SORL1-AS1: variants seen among roughly 807,000 people sequenced by gnomAD.
SORL1-AS1 encodes lncRNA 51 A.
At chr11:121,439,175 T>C in the SORL1-AS1 span, among the ~76,000 whole-genome samples, 2 of 152,220 alleles carry the variant, frequency 1.3e-5, no homozygotes, top group Non-Finnish European at 2.9e-5. Flanking sequence ...GGCTCTACCA[T>C]TTTATACTTT....
chr11:121,447,073 T>C (rs564311125), downstream of SORL1-AS1, among the ~76,000 whole-genome samples: 1 of 152,010 alleles, frequency 6.6e-6, no homozygotes, highest in African/African-American at 2.4e-5. Context: ...GGAGGGGGAG[T>C]CCTACTCCTC....
downstream of SORL1-AS1, among the ~76,000 whole-genome samples, chr11:121,442,685 A>T (rs1478141123): frequency 4.5e-4 from 62 of 138,242 alleles, no homozygotes; most frequent in South Asian, 8.3e-3. Flanking sequence ...TTATTTATTT[A>T]TTTATTTTTT....
chr11:121,440,207 T>C, the SORL1-AS1 span, among the ~76,000 whole-genome samples: 1 of 152,212 alleles, frequency 6.6e-6, no homozygotes, highest in South Asian at 2.1e-4. Flanking sequence ...ACCCTGTCTC[T>C]ACTAAAAGTA....
rs555388628 is a variant in SORL1-AS1 at position 121,450,465 on chromosome 11, G to A, written n.340-566C>T. Among the ~76,000 whole-genome samples the A allele has an allele frequency of 1.9e-4, 29 of 151,710 alleles. No individual in the cohort carries two copies. The South Asian group carries it at 5.4e-3, about 28-fold the overall frequency. ...TATTATTTTTAATTGACATATATAAGTATATAATAAATATATATGTTATAT... is the reference window on the plus strand; with the variant it reads ...TATTATTTTTAATTGACATATATAAATATATAATAAATATATATGTTATAT... On this transcript the variant is annotated intron_variant and non_coding_transcript_variant, in intron 1 of 1. Coordinates refer to ENST00000501964, the Ensembl canonical transcript of SORL1-AS1. This position sits in a 1 kb window ranked among gnomAD's most constrained non-coding sequence, Gnocchi z 5.2.
chr11:121,438,579 T>C, the SORL1-AS1 span, among the ~76,000 whole-genome samples: 1 of 152,042 alleles, frequency 6.6e-6, no homozygotes, highest in African/African-American at 2.4e-5. Context: ...GCTTCTCATT[T>C]AACATAATAT....
chr11:121,451,269 T>C (rs180769206), intron 1 of SORL1-AS1, among the ~76,000 whole-genome samples: 1 of 152,218 alleles, frequency 6.6e-6, no homozygotes, highest in Admixed American at 6.5e-5. Context: ...AATATTTTCC[T>C]TGGGCGTACC....
At chr11:121,440,014 T>C in the SORL1-AS1 span, among the ~76,000 whole-genome samples, 1 of 152,024 alleles carries the variant, frequency 6.6e-6, no homozygotes, top group African/African-American at 2.4e-5. Flanking sequence ...GTGTTCTGGG[T>C]GGGGAGGCAT....
chr11:121,448,625 C>G (rs756680454), exon 2 of SORL1-AS1: 1 of 152,166 alleles, frequency 6.6e-6, no homozygotes, highest in African/African-American at 2.4e-5. Context: ...GCCCCTTAAC[C>G]AACCATTGCC....
chr11:121,438,672 C>T, the SORL1-AS1 span, among the ~76,000 whole-genome samples: 1 of 152,274 alleles, frequency 6.6e-6, no homozygotes, highest in East Asian at 1.9e-4. Context: ...TATGAAAAAT[C>T]TCAATTTATC....
the SORL1-AS1 span, among the ~76,000 whole-genome samples, chr11:121,438,927 G>A: frequency 6.6e-6 from 1 of 152,228 alleles, no homozygotes; most frequent in African/African-American, 2.4e-5. Flanking sequence ...CTGGGAGGCT[G>A]AGGCACAAGA....
At chr11:121,441,689 A>T in the SORL1-AS1 span, among the ~76,000 whole-genome samples, 1 of 151,982 alleles carries the variant, frequency 6.6e-6, no homozygotes, top group Non-Finnish European at 1.5e-5. Flanking sequence ...TGGCTTGAGG[A>T]TGTTCTGGTG....
At chr11:121,441,615 A>T in the SORL1-AS1 span, among the ~76,000 whole-genome samples, 1 of 151,886 alleles carries the variant, frequency 6.6e-6, no homozygotes, top group Admixed American at 6.6e-5. Context: ...AAGTTCTGGC[A>T]AATGGGATGT....
intron 1 of SORL1-AS1, among the ~76,000 whole-genome samples, chr11:121,451,353 A>G (rs1860789377): frequency 6.6e-6 from 1 of 152,170 alleles, no homozygotes; most frequent in Non-Finnish European, 1.5e-5. Context: ...ATGTAGGGTT[A>G]AAGTGTGTCC....
the SORL1-AS1 span, among the ~76,000 whole-genome samples, chr11:121,442,036 A>C: frequency 2.0e-5 from 3 of 152,220 alleles, no homozygotes; most frequent in Admixed American, 2.0e-4. Flanking sequence ...TGATAGACAG[A>C]GTAGCTGCCA....
chr11:121,441,274 A>G, the SORL1-AS1 span, among the ~76,000 whole-genome samples: 4 of 151,996 alleles, frequency 2.6e-5, no homozygotes, highest in Non-Finnish European at 2.9e-5. Context: ...CTGTAATCCC[A>G]GCACTTTGGG....
exon 2 of SORL1-AS1, chr11:121,449,735 G>A (rs1208921032): frequency 6.6e-6 from 1 of 152,156 alleles, no homozygotes; most frequent in Non-Finnish European, 1.5e-5. Context: ...GATTGGTAGG[G>A]ATTAAGATCT....
the SORL1-AS1 span, among the ~76,000 whole-genome samples, chr11:121,441,144 T>C: frequency 3.9e-5 from 6 of 152,194 alleles, no homozygotes; most frequent in African/African-American, 1.2e-4. Context: ...TGGAAATAAC[T>C]ATTGGTTGTT....
At chr11:121,442,674 T>TTTATTTAC (rs1555041801), downstream of SORL1-AS1, among the ~76,000 whole-genome samples, 7,146 of 141,612 alleles carry the variant, frequency 0.05, 414 homozygotes, top group African/African-American at 0.13. Flanking sequence ...TATTTATTTA[T>TTTATTTAC]TTATTTATTT....
downstream of SORL1-AS1, chr11:121,447,311 CTT>C (rs36048258): frequency 6.8e-4 from 85 of 125,658 alleles, no homozygotes; most frequent in Non-Finnish European, 9.1e-4. Context: ...AACTTGAGGG[CTT>C]TTTTTTTTTT....
Sources: allele counts gnomAD v4.1 joint callset (sites outside exome capture counted in the v4.1 genomes callset), GRCh38; gene constraint gnomAD v4.1.1; non-coding constraint Gnocchi (gnomAD v3.1); transcripts MANE v1.5; gene names NCBI Gene and HGNC (gene_info 2026-07-23, HGNC 2026-07-21).